UBE2E2: variants seen among roughly 807,000 people sequenced by gnomAD.
UBE2E2 encodes ubiquitin-conjugating enzyme E2 E2.
Under a neutral mutation model 24.7 loss-of-function variants are expected in UBE2E2, and 6 were observed. That is an observed-to-expected ratio of 0.24 (90% confidence interval 0.13 to 0.48). The LOEUF (loss-of-function observed/expected upper bound fraction) is 0.48. Among genes scored for constraint, UBE2E2 ranks in the 20% least tolerant of loss-of-function variants. The probability of loss-of-function intolerance (pLI) is 0.99; values close to 1 mark genes in which losing one functional copy is unlikely to be tolerated. For missense variants in UBE2E2, 169 were observed against 245.0 expected (o/e 0.69, Z 2.07); for synonymous variants, 104 against 83.6 (o/e 1.24, Z -1.33).
At chr3:23,392,246 C>T (rs970650305) in intron 3 of UBE2E2, among the ~76,000 whole-genome samples, 8 of 152,260 alleles carry the variant, frequency 5.3e-5, no homozygotes, top group Non-Finnish European at 8.8e-5. Context: ...TATGCTAGCA[C>T]ACTCAACCAA....
intron 3 of UBE2E2, among the ~76,000 whole-genome samples, chr3:23,470,798 G>T (rs772686901): frequency 6.9e-6 from 1 of 144,276 alleles, no homozygotes; most frequent in African/African-American, 2.7e-5. Context: ...AACCATGAGA[G>T]ATTACTTTTA....
rs1469276982 is a variant in UBE2E2, at chr3:23,474,440, C to T, written c.228-25168C>T. On this transcript the variant is annotated intron_variant, in intron 3 of 5. Coordinates refer to ENST00000396703, the MANE Select transcript of UBE2E2 (RefSeq NM_152653.4). The surrounding 1 kb of genome is among the most constrained non-coding windows in gnomAD (Gnocchi z 4.0). ...AGTACTCTTTTCTGAAGGGAACGTG[C>T]AGATTTCAGACACAAATACACGTTA... 1.3e-5 allele frequency among the ~76,000 whole-genome samples: 2 copies of T among 152,000 alleles called. No homozygotes were observed. The highest frequency in any genetic ancestry group is 2.9e-5 in the Non-Finnish European group (2 of 68,026).
chr3:23,264,231 A>G (rs756805306), intron 3 of UBE2E2, among the ~76,000 whole-genome samples: 1 of 152,072 alleles, frequency 6.6e-6, no homozygotes, highest in Admixed American at 6.6e-5. Flanking sequence ...GCAAATTAGA[A>G]TAAGTGTCCC....
chr3:23,249,816 T>G (rs1697524887), intron 3 of UBE2E2, among the ~76,000 whole-genome samples: 1 of 151,928 alleles, frequency 6.6e-6, no homozygotes, highest in Non-Finnish European at 1.5e-5. Context: ...CCACCACACC[T>G]GGCTAATTTT....
chr3:23,413,924 G>A (rs139181038), intron 3 of UBE2E2, among the ~76,000 whole-genome samples: 4 of 152,216 alleles, frequency 2.6e-5, no homozygotes, highest in Admixed American at 1.3e-4. Flanking sequence ...TATATTTATC[G>A]TTATTACTAT....
At chr3:23,308,276 C>T (rs1186018999) in intron 3 of UBE2E2, among the ~76,000 whole-genome samples, 1 of 152,152 alleles carries the variant, frequency 6.6e-6, no homozygotes, top group Admixed American at 6.5e-5. Context: ...TATTAGTTTC[C>T]TTCTCTTATA....
At chr3:23,520,772 A>C (rs902077578) in intron 4 of UBE2E2, among the ~76,000 whole-genome samples, 1 of 152,246 alleles carries the variant, frequency 6.6e-6, no homozygotes, top group East Asian at 1.9e-4. Context: ...CCTCCCAAGT[A>C]GCTAGTAATA....
In UBE2E2 at chr3:23,407,200, T is replaced by C. The variant is rs1697375955; in HGVS notation, c.228-92408T>C. On this transcript the variant is annotated intron_variant, in intron 3 of 5. Transcript: ENST00000396703. This position sits in a 1 kb window ranked among gnomAD's most constrained non-coding sequence, Gnocchi z 4.0. ...CAGAATGGCCTGGAAAAAAAAAAGG[T>C]CTTGACCACTGTGCAGGTGAGCATC... Among the ~76,000 whole-genome samples the C allele has an allele frequency of 6.6e-6, 1 of 151,762 alleles. No individual in the cohort carries two copies. Among genetic ancestry groups the C allele is most frequent in the African/African-American group, 2.4e-5 (1 of 41,314 alleles).
chr3:23,466,809 C>T (rs938617969), intron 3 of UBE2E2, among the ~76,000 whole-genome samples: 3 of 152,064 alleles, frequency 2.0e-5, no homozygotes, highest in Non-Finnish European at 4.4e-5. Context: ...CCTTGTGATC[C>T]ACCCACCTCA....
chr3:23,276,567 G>A (rs539571874), intron 3 of UBE2E2, among the ~76,000 whole-genome samples: 1 of 152,098 alleles, frequency 6.6e-6, no homozygotes, highest in Non-Finnish European at 1.5e-5. Flanking sequence ...GAATCTTAGA[G>A]TGAGATCCTG....
At chr3:23,357,569 A>G (rs1247649843) in intron 3 of UBE2E2, among the ~76,000 whole-genome samples, 1 of 152,188 alleles carries the variant, frequency 6.6e-6, no homozygotes, top group Non-Finnish European at 1.5e-5. Context: ...TATGTTCCCA[A>G]GAGGATCTGA....
chr3:23,419,621 G>A (rs1028856612), intron 3 of UBE2E2, among the ~76,000 whole-genome samples: 1 of 152,132 alleles, frequency 6.6e-6, no homozygotes, highest in South Asian at 2.1e-4. Flanking sequence ...ATTTCCACTT[G>A]CCTGCCGTGC....
At chr3:23,206,628 A>G (rs1398616242) in intron 1 of UBE2E2, among the ~76,000 whole-genome samples, 1 of 151,956 alleles carries the variant, frequency 6.6e-6, no homozygotes, top group East Asian at 1.9e-4. Context: ...GAAAGGATTC[A>G]CTATTTTCTG....
chr3:23,466,191 A>G (rs1698915134), intron 3 of UBE2E2, among the ~76,000 whole-genome samples: 1 of 152,238 alleles, frequency 6.6e-6, no homozygotes, highest in South Asian at 2.1e-4. Context: ...CCATGACTTC[A>G]TGATTTTTTA....
intron 3 of UBE2E2, among the ~76,000 whole-genome samples, chr3:23,348,827 G>GA (rs907529495): frequency 1.9e-5 from 2 of 104,426 alleles, no homozygotes; most frequent in Non-Finnish European, 4.2e-5. Flanking sequence ...AAAACCCACA[G>GA]ACTTTTGGAA....
intron 3 of UBE2E2, among the ~76,000 whole-genome samples, chr3:23,273,424 G>T (rs1378562684): frequency 6.6e-6 from 1 of 152,068 alleles, no homozygotes; most frequent in Admixed American, 6.5e-5. Flanking sequence ...CCAGCTACTT[G>T]GGAGGCTGAG....
chr3:23,236,693 C>T (rs1486207891), intron 3 of UBE2E2, among the ~76,000 whole-genome samples: 1 of 152,128 alleles, frequency 6.6e-6, no homozygotes, highest in Non-Finnish European at 1.5e-5. Flanking sequence ...GTTGAGAAAG[C>T]TGTCAGAAAT....
intron 3 of UBE2E2, among the ~76,000 whole-genome samples, chr3:23,266,719 A>T (rs927634746): frequency 6.6e-6 from 1 of 152,210 alleles, no homozygotes; most frequent in African/African-American, 2.4e-5. Context: ...AGACATCTAC[A>T]GAACTCTCCA....
chr3:23,377,861 A>G (rs531064717), intron 3 of UBE2E2, among the ~76,000 whole-genome samples: 2 of 152,318 alleles, frequency 1.3e-5, no homozygotes, highest in South Asian at 4.1e-4. Context: ...TAGAATTTCA[A>G]GTTTTCAACA....
Sources: allele counts gnomAD v4.1 joint callset (sites outside exome capture counted in the v4.1 genomes callset), GRCh38; gene constraint gnomAD v4.1.1; non-coding constraint Gnocchi (gnomAD v3.1); transcripts MANE v1.5; gene names NCBI Gene and HGNC (gene_info 2026-07-23, HGNC 2026-07-21).